SHC3: variants seen among roughly 807,000 people sequenced by gnomAD.
SHC3 encodes the protein SHC adaptor protein 3.
In SHC3, 15 loss-of-function variants were observed where a neutral mutation model predicts 60.4. The observed-to-expected ratio is 0.25, with a 90% CI of 0.17 to 0.38. The LOEUF is 0.38. Ranked by LOEUF, SHC3 falls within the 10% of genes least tolerant of loss-of-function variation. The pLI is 1.00. For missense variants in SHC3, 677 were observed against 786.1 expected (o/e 0.86, Z 1.66); for synonymous variants, 294 against 325.9 (o/e 0.90, Z 1.05).
chr9:89,143,957 G>A (rs749370369), intron 1 of SHC3, among the ~76,000 whole-genome samples: 1 of 152,164 alleles, frequency 6.6e-6, no homozygotes, highest in African/African-American at 2.4e-5. Flanking sequence ...CTTCTTGGGG[G>A]CCTTAGGGTG....
chr9:89,032,756 C>T (rs368931218), intron 11 of SHC3, among the ~76,000 whole-genome samples: 26 of 152,206 alleles, frequency 1.7e-4, no homozygotes, highest in South Asian at 1.7e-3. Flanking sequence ...TAAATTTAGA[C>T]GCAGAACTGT....
At chr9:89,058,524 C>T (rs1473838245) in intron 6 of SHC3, among the ~76,000 whole-genome samples, 3 of 133,284 alleles carry the variant, frequency 2.3e-5, no homozygotes, top group Non-Finnish European at 4.7e-5. Flanking sequence ...CGGTGGAGGA[C>T]AATGATGGAG....
At chr9:89,050,909 T>TC (rs1269555785) in intron 7 of SHC3, among the ~76,000 whole-genome samples, 3 of 151,936 alleles carry the variant, frequency 2.0e-5, no homozygotes, top group African/African-American at 7.3e-5. Flanking sequence ...CGTTCTTTTT[T>TC]TTTTTTTAAT....
chr9:89,109,834 T>C, intron 2 of SHC3: 3 of 985,510 alleles, frequency 3.0e-6, no homozygotes, highest in Non-Finnish European at 3.6e-6. Flanking sequence ...CAAGATCACA[T>C]GATTACTCAG....
intron 1 of SHC3, among the ~76,000 whole-genome samples, chr9:89,153,915 C>T (rs957133509): frequency 3.3e-5 from 5 of 152,188 alleles, no homozygotes; most frequent in African/African-American, 4.8e-5. Context: ...CCAGGCACTC[C>T]GCAGAGCCTT....
intron 11 of SHC3, among the ~76,000 whole-genome samples, chr9:89,019,558 T>C (rs1311656354): frequency 1.3e-5 from 2 of 152,174 alleles, no homozygotes; most frequent in African/African-American, 4.8e-5. Context: ...TATAGTAAGG[T>C]TGCAGGACAT....
At chr9:89,166,279 A>G (rs1165931642) in intron 1 of SHC3, among the ~76,000 whole-genome samples, 5 of 152,182 alleles carry the variant, frequency 3.3e-5, no homozygotes, top group Non-Finnish European at 7.3e-5. Context: ...CGTCTCCCCA[A>G]CTGGCACTGA....
At chr9:89,156,797 G>A (rs1471685163) in intron 1 of SHC3, among the ~76,000 whole-genome samples, 2 of 152,150 alleles carry the variant, frequency 1.3e-5, no homozygotes, top group Admixed American at 1.3e-4. Flanking sequence ...AGAAGGTCAT[G>A]CCTATGAACC....
At chr9:89,069,741 A>G (rs1033699692) in intron 5 of SHC3, among the ~76,000 whole-genome samples, 5 of 152,248 alleles carry the variant, frequency 3.3e-5, no homozygotes, top group African/African-American at 1.2e-4. Flanking sequence ...CAGAATGGCC[A>G]TGATGCCTGC....
intron 2 of SHC3, among the ~76,000 whole-genome samples, chr9:89,091,170 T>C (rs1473134977): frequency 1.3e-5 from 2 of 152,246 alleles, no homozygotes; most frequent in Non-Finnish European, 2.9e-5. Context: ...CTGAACAATA[T>C]GTTAGAGTGC....
intron 2 of SHC3, among the ~76,000 whole-genome samples, chr9:89,102,106 T>A (rs1825791922): frequency 6.6e-6 from 1 of 152,280 alleles, no homozygotes; most frequent in South Asian, 2.1e-4. Context: ...TTCATTAGCA[T>A]CAAGTTTAAC....
At chr9:89,074,553 TTAATTAACACTG>T (rs1245413047) in intron 4 of SHC3, among the ~76,000 whole-genome samples, 2 of 152,248 alleles carry the variant, frequency 1.3e-5, no homozygotes, top group East Asian at 3.9e-4. Context: ...AAAATTAGCC[TTAATTAACACTG>T]TGGCTGTGGT....
intron 1 of SHC3, among the ~76,000 whole-genome samples, chr9:89,141,077 T>C (rs893540458): frequency 2.0e-5 from 3 of 151,978 alleles, no homozygotes; most frequent in Non-Finnish European, 2.9e-5. Flanking sequence ...GAAAGGAAAA[T>C]ACAGGACAGT....
At chr9:89,125,593 G>A (rs1826152458) in intron 1 of SHC3, among the ~76,000 whole-genome samples, 1 of 152,102 alleles carries the variant, frequency 6.6e-6, no homozygotes, top group Non-Finnish European at 1.5e-5. Flanking sequence ...CACAGGATGA[G>A]ATAGGAAGTC....
intron 11 of SHC3, among the ~76,000 whole-genome samples, chr9:89,021,056 T>A (rs916334102): frequency 6.6e-6 from 1 of 152,156 alleles, no homozygotes; most frequent in Non-Finnish European, 1.5e-5. Context: ...GCACTGAGCT[T>A]CAGCGCCCAC....
chr9:89,114,381 T>A (rs1015560862), intron 1 of SHC3, among the ~76,000 whole-genome samples: 3 of 152,054 alleles, frequency 2.0e-5, no homozygotes, highest in African/African-American at 7.2e-5. Flanking sequence ...CAGTTAGCCC[T>A]ACATGTGTGC....
intron 11 of SHC3, among the ~76,000 whole-genome samples, chr9:89,030,755 T>C (rs567434277): frequency 6.6e-6 from 1 of 152,364 alleles, no homozygotes; most frequent in South Asian, 2.1e-4. Flanking sequence ...ATTATTTCTC[T>C]TAACACTCTT....
chr9:89,125,469 C>T (rs770510271), intron 1 of SHC3, among the ~76,000 whole-genome samples: 3 of 151,946 alleles, frequency 2.0e-5, no homozygotes, highest in Non-Finnish European at 4.4e-5. Flanking sequence ...GCTCCTGGCA[C>T]ACCATATTGT....
intron 2 of SHC3, among the ~76,000 whole-genome samples, chr9:89,092,063 T>C (rs1825629358): frequency 6.6e-6 from 1 of 152,236 alleles, no homozygotes; most frequent in Non-Finnish European, 1.5e-5. Context: ...TAGCAACTAT[T>C]GTTTTGATGA....
Sources: gnomAD v4.1 joint callset for allele counts (sites outside exome capture counted in the v4.1 genomes callset) on GRCh38, gnomAD v4.1.1 for gene constraint, MANE v1.5 for transcripts, NCBI Gene and HGNC (gene_info 2026-07-23, HGNC 2026-07-21) for gene names.